CHRM2: variants seen among roughly 807,000 people sequenced by gnomAD.
CHRM2 encodes the protein muscarinic acetylcholine receptor M2.
CHRM2 carries 8 observed loss-of-function variants against 25.0 expected under a neutral mutation model. The ratio of observed to expected loss-of-function variants is 0.32; its 90% CI spans 0.19 to 0.58. The LOEUF (loss-of-function observed/expected upper bound fraction) is 0.58, where lower values mean the gene tolerates loss of function less well. Among genes scored for constraint, CHRM2 ranks in the 20% least tolerant of loss-of-function variants. CHRM2 has a pLI of 0.88. For missense variants in CHRM2, 440 were observed against 567.1 expected, an observed-to-expected ratio of 0.78 and a Z score of 2.28; for synonymous variants, 202 against 205.7, an observed-to-expected ratio of 0.98 and a Z score of 0.15.
rs1323504969 is a variant in CHRM2, at chr7:137,019,334, C to T, written c.*3068C>T. 4 of 151,880 alleles carry T rather than the reference C, an allele frequency of 2.6e-5. No homozygotes were observed. The highest frequency in any genetic ancestry group is 5.9e-5 in the Non-Finnish European group (4 of 67,902). The allele number at this position is 151,880 out of a possible 1,614,324, so 9.4% of individuals were successfully genotyped here. On this transcript the variant is annotated 3_prime_UTR_variant, in exon 4 of 4. Coordinates refer to ENST00000680005, the MANE Select transcript of CHRM2 (RefSeq NM_001006630.2). ...CAGGCCACATCTACATATCAAAAAT[C>T]ACCAGACTATGCATATCGCACATCT... is the stretch of plus-strand genomic sequence containing the variant.
At position 137,015,966 on chromosome 7, in the gene CHRM2, G is replaced by A; in HGVS notation, c.1101G>A (p.Lys367=). 2 of 1,613,200 alleles carry A rather than the reference G, an allele frequency of 1.2e-6. No homozygotes were observed. Among genetic ancestry groups the A allele is most frequent in the Non-Finnish European group, 1.7e-6 (2 of 1,179,454 alleles). The part of the protein sequence containing the change: ...KQNIVARKIV[K]MTKQPAKKKP... ...ATATTGTAGCCCGCAAGATTGTGAA[G>A]ATGACTAAGCAGCCTGCAAAAAAGA... Residue 367 remains lysine, a synonymous_variant, in exon 4 of 4, where the codon AAG becomes AAA. Coordinates refer to ENST00000680005, the MANE Select transcript of CHRM2 (RefSeq NM_001006630.2). The surrounding 1 kb of genome is among the most constrained non-coding windows in gnomAD (Gnocchi z 5.1).
At chr7:136,993,257 T>C (rs1803353967) in intron 3 of CHRM2, among the ~76,000 whole-genome samples, 1 of 152,100 alleles carries the variant, frequency 6.6e-6, no homozygotes, top group Non-Finnish European at 1.5e-5. Flanking sequence ...TAACATGCTC[T>C]TGCTTCAGCA....
At chr7:136,919,588 A>G (rs1304627191) in intron 2 of CHRM2, among the ~76,000 whole-genome samples, 1 of 152,028 alleles carries the variant, frequency 6.6e-6, no homozygotes, top group Non-Finnish European at 1.5e-5. Flanking sequence ...TCATGTTTCT[A>G]CTTACCACTC....
At chr7:136,901,159 G>A (rs1208392710) in intron 2 of CHRM2, among the ~76,000 whole-genome samples, 1 of 152,054 alleles carries the variant, frequency 6.6e-6, no homozygotes, top group Non-Finnish European at 1.5e-5. Context: ...CACCCCCAAA[G>A]TGGAAACGAG....
Position 137,014,657 on chromosome 7 carries a change from G to T in CHRM2, c.-46-163G>T, listed in dbSNP as rs1020897780. Among the ~76,000 whole-genome samples, 7 of 151,904 alleles carry T rather than the reference G, an allele frequency of 4.6e-5. No homozygotes were observed. The East Asian group carries it at 9.7e-4, about 21-fold the overall frequency. ...GGTCCTTTTGAATCCTCCATTTGAA[G>T]GTCTTGCTTTTTACATGGGGAATTG... is the stretch of plus-strand genomic sequence containing the variant. On this transcript the variant is annotated intron_variant, in intron 3 of 3. Transcript: ENST00000680005.
chr7:136,980,841 T>G (rs1473272708), intron 2 of CHRM2, among the ~76,000 whole-genome samples: 1 of 152,216 alleles, frequency 6.6e-6, no homozygotes, highest in African/African-American at 2.4e-5. Context: ...GGATTCAATT[T>G]GCCAGTATTT....
In CHRM2 at chr7:136,984,400, C is replaced by A. The variant is rs180945872; in HGVS notation, c.-124-7787C>A. ...CTCCGTGGGTGTGGGATTTACTGAG[C>A]AAGACCACTTGGCTCCCTGGCTTCA... On this transcript the variant is annotated intron_variant, in intron 2 of 3. Coordinates refer to ENST00000680005, the MANE Select transcript of CHRM2 (RefSeq NM_001006630.2). 9.4e-4 allele frequency among the ~76,000 whole-genome samples: 143 copies of A among 152,224 alleles called. No individual in the cohort carries two copies. In the Middle Eastern group the frequency reaches 0.01, roughly 11 times the overall value.
At position 137,015,777 on chromosome 7, in the gene CHRM2, T is replaced by A; in HGVS notation, c.912T>A (p.Asp304Glu). 1.9e-6 allele frequency: 3 copies of A among 1,613,144 alleles called. No individual in the cohort carries two copies. The highest frequency in any genetic ancestry group is 2.5e-6 in the Non-Finnish European group (3 of 1,179,498). Residue 304 changes from aspartate to glutamate, a missense_variant, in exon 4 of 4, where the codon GAT becomes GAA. By Grantham distance (45) the Asp-to-Glu change is conservative. Transcript: ENST00000680005. This position sits in a 1 kb window ranked among gnomAD's most constrained non-coding sequence, Gnocchi z 5.1. ...SNMRDDEITQ[D>E]ENTVSTSLGH... ...TGAGAGATGATGAAATAACCCAGGATGAAAACACAGTTTCCACTTCCCTGG... is the reference window on the plus strand; with the variant it reads ...TGAGAGATGATGAAATAACCCAGGAAGAAAACACAGTTTCCACTTCCCTGG...
Position 136,963,461 on chromosome 7 carries a change from T to C in CHRM2, c.-124-28726T>C, listed in dbSNP as rs569543994. 2.6e-5 allele frequency among the ~76,000 whole-genome samples: 4 copies of C among 152,278 alleles called. 1 individual carries two copies. The highest frequency in any genetic ancestry group is 9.6e-5 in the African/African-American group (4 of 41,558). On this transcript the variant is annotated intron_variant, in intron 2 of 3. Coordinates refer to ENST00000680005, the MANE Select transcript of CHRM2 (RefSeq NM_001006630.2). ...GTCAAGGATGCTTTGCCAGAAAAGA[T>C]GTTCATAGGATTTCAGGAAGAACGT...
At chr7:136,974,438 G>C (rs1469428104) in intron 2 of CHRM2, among the ~76,000 whole-genome samples, 2 of 152,124 alleles carry the variant, frequency 1.3e-5, no homozygotes, top group African/African-American at 2.4e-5. Context: ...GGAGGAAATA[G>C]CATCTAAGTT....
At chr7:136,888,862 C>T (rs186632479) in intron 2 of CHRM2, among the ~76,000 whole-genome samples, 100 of 151,860 alleles carry the variant, frequency 6.6e-4, no homozygotes, top group African/African-American at 2.1e-3. Flanking sequence ...CTGGCTAACA[C>T]GGTGAAACCC....
chr7:136,999,536 A>G (rs375890025), intron 3 of CHRM2, among the ~76,000 whole-genome samples: 34 of 151,804 alleles, frequency 2.2e-4, no homozygotes, highest in African/African-American at 7.7e-4. Flanking sequence ...TCCTAATGCT[A>G]TCCCTCCCCC....
At chr7:136,982,768 C>T (rs1214526172) in intron 2 of CHRM2, among the ~76,000 whole-genome samples, 4 of 152,104 alleles carry the variant, frequency 2.6e-5, no homozygotes, top group Non-Finnish European at 5.9e-5. Context: ...TGAATATTGG[C>T]CCCCACTCTC....
chr7:137,010,646 G>A (rs545857343), intron 3 of CHRM2, among the ~76,000 whole-genome samples: 5 of 152,000 alleles, frequency 3.3e-5, no homozygotes, highest in African/African-American at 1.2e-4. Context: ...GCTTGCGATT[G>A]CTTCTAAGAA....
intron 2 of CHRM2, among the ~76,000 whole-genome samples, chr7:136,960,492 G>T (rs1452054420): frequency 6.6e-6 from 1 of 152,204 alleles, no homozygotes; most frequent in African/African-American, 2.4e-5. Context: ...GACAAGGAAG[G>T]AGTCAAATAG....
chr7:136,903,614 A>G (rs1325695345), intron 2 of CHRM2, among the ~76,000 whole-genome samples: 2 of 151,990 alleles, frequency 1.3e-5, no homozygotes, highest in African/African-American at 4.8e-5. Context: ...TAAGACTGCA[A>G]TTTTCTAAAA....
chr7:136,913,251 T>C (rs1797939288), intron 2 of CHRM2, among the ~76,000 whole-genome samples: 1 of 151,952 alleles, frequency 6.6e-6, no homozygotes, highest in African/African-American at 2.4e-5. Context: ...GGCATTATTC[T>C]GATTGAAAGA....
intron 2 of CHRM2, among the ~76,000 whole-genome samples, chr7:136,931,031 G>C (rs1354103766): frequency 6.6e-6 from 1 of 150,906 alleles, no homozygotes; most frequent in Non-Finnish European, 1.5e-5. Flanking sequence ...TCTATCCTAA[G>C]TTTTCTGGTA....
At chr7:136,875,684 C>T (rs1364506453) in intron 2 of CHRM2, among the ~76,000 whole-genome samples, 1 of 152,140 alleles carries the variant, frequency 6.6e-6, no homozygotes, top group Admixed American at 6.5e-5. Flanking sequence ...CAGTGTTTCT[C>T]AACAGTCTAG....
Sources: gnomAD v4.1 joint callset for allele counts (sites outside exome capture counted in the v4.1 genomes callset) on GRCh38, gnomAD v4.1.1 for gene constraint, Gnocchi (gnomAD v3.1) non-coding constraint, MANE v1.5 for transcripts, NCBI Gene and HGNC (gene_info 2026-07-23, HGNC 2026-07-21) for gene names.